ODAD2: variants seen among roughly 807,000 people sequenced by gnomAD.
ODAD2 encodes outer dynein arm docking complex subunit 2.
Under a neutral mutation model 106.8 loss-of-function variants are expected in ODAD2, and 89 were observed. The observed-to-expected ratio is 0.83, with a 90% CI of 0.70 to 0.99. ODAD2 has a LOEUF of 0.99. Ranked by LOEUF, ODAD2 falls within the 50% of genes least tolerant of loss-of-function variation. The pLI, the probability that ODAD2 is intolerant of heterozygous loss-of-function variation, is 0.00. For missense variants in ODAD2, 1,168 were observed against 1,238.5 expected, an observed-to-expected ratio of 0.94 and a Z score of 0.85; for synonymous variants, 404 against 436.2, an observed-to-expected ratio of 0.93 and a Z score of 0.92.
At chr10:27,971,815 A>G (rs1042437623) in intron 7 of ODAD2, among the ~76,000 whole-genome samples, 5 of 152,202 alleles carry the variant, frequency 3.3e-5, no homozygotes, top group African/African-American at 9.6e-5. Context: ...AAAATTCTTT[A>G]CTAAGAATAA....
intron 16 of ODAD2, among the ~76,000 whole-genome samples, chr10:27,933,690 C>A (rs922038677): frequency 6.6e-6 from 1 of 152,126 alleles, no homozygotes; most frequent in African/African-American, 2.4e-5. Context: ...ATACATGCAG[C>A]CATTTCTGGC....
At chr10:27,944,663 G>A (rs2132633465) in intron 11 of ODAD2, among the ~76,000 whole-genome samples, 153 bp downstream of exon 11, 1 of 152,240 alleles carries the variant, frequency 6.6e-6, no homozygotes, top group Non-Finnish European at 1.5e-5. Context: ...AGAAAAAAGA[G>A]AAAGCTCAGT....
chr10:27,816,749 T>TTTTG (rs975020923), intron 19 of ODAD2, among the ~76,000 whole-genome samples: 30 of 152,076 alleles, frequency 2.0e-4, no homozygotes, highest in African/African-American at 6.5e-4. Context: ...TTATGCAGTT[T>TTTTG]TTTGTTTGTT....
chr10:27,896,747 T>C (rs926671160), intron 17 of ODAD2, among the ~76,000 whole-genome samples: 1 of 152,146 alleles, frequency 6.6e-6, no homozygotes, highest in Non-Finnish European at 1.5e-5. Flanking sequence ...TCTTTCTAGA[T>C]ACGTAGATAT....
chr10:27,814,168 G>C (rs560864972), intron 19 of ODAD2, among the ~76,000 whole-genome samples: 1 of 152,026 alleles, frequency 6.6e-6, no homozygotes, highest in Non-Finnish European at 1.5e-5. Flanking sequence ...AGGGAAACAG[G>C]GACCCTCCGC....
intron 19 of ODAD2, among the ~76,000 whole-genome samples, chr10:27,838,064 C>T (rs996701484): frequency 6.6e-6 from 1 of 151,302 alleles, no homozygotes; most frequent in Non-Finnish European, 1.5e-5. Context: ...CCTGAAGAAA[C>T]TGAAAAAAAA....
At chr10:27,818,925 T>C (rs1217016116) in intron 19 of ODAD2, among the ~76,000 whole-genome samples, 1 of 152,140 alleles carries the variant, frequency 6.6e-6, no homozygotes, top group Non-Finnish European at 1.5e-5. Flanking sequence ...GGTCACAGCA[T>C]CTTGGATCTG....
chr10:27,992,658 C>T (rs1193318656), intron 2 of ODAD2, among the ~76,000 whole-genome samples: 1 of 152,120 alleles, frequency 6.6e-6, no homozygotes, highest in East Asian at 1.9e-4. Flanking sequence ...CACTGCAGTC[C>T]AGCCTGGGCA....
intron 16 of ODAD2, among the ~76,000 whole-genome samples, chr10:27,928,480 A>G (rs1424427553): frequency 6.6e-6 from 1 of 152,098 alleles, no homozygotes; most frequent in South Asian, 2.1e-4. Context: ...ATGATCCTCG[A>G]CTGACCTCAA....
intron 17 of ODAD2, among the ~76,000 whole-genome samples, chr10:27,873,687 G>C (rs1009457633): frequency 6.6e-6 from 1 of 152,166 alleles, no homozygotes; most frequent in African/African-American, 2.4e-5. Flanking sequence ...TCTTAATCCT[G>C]AGTTCTAGTT....
At chr10:27,832,709 A>G (rs1837578915) in intron 19 of ODAD2, among the ~76,000 whole-genome samples, 1 of 152,140 alleles carries the variant, frequency 6.6e-6, no homozygotes, top group African/African-American at 2.4e-5. Flanking sequence ...CTTAAACGTT[A>G]TTGCTCAACA....
At chr10:27,928,649 T>C (rs1845414412) in intron 16 of ODAD2, among the ~76,000 whole-genome samples, 1 of 152,128 alleles carries the variant, frequency 6.6e-6, no homozygotes, top group Non-Finnish European at 1.5e-5. Context: ...GCAAATTAAA[T>C]AACATGTCTT....
intron 17 of ODAD2, among the ~76,000 whole-genome samples, chr10:27,890,528 T>C (rs979717001): frequency 2.6e-5 from 4 of 152,160 alleles, no homozygotes; most frequent in African/African-American, 9.7e-5. Flanking sequence ...GTTACCATTT[T>C]GTACACTGTG....
At chr10:27,871,799 A>G (rs1029032424) in intron 17 of ODAD2, among the ~76,000 whole-genome samples, 12 of 152,192 alleles carry the variant, frequency 7.9e-5, no homozygotes, top group African/African-American at 2.7e-4. Flanking sequence ...TGATGCCTGC[A>G]GCTGTGTTCT....
chr10:27,974,122 T>C (rs1223668611), intron 7 of ODAD2, among the ~76,000 whole-genome samples: 4 of 152,340 alleles, frequency 2.6e-5, no homozygotes, highest in African/African-American at 9.6e-5. Context: ...CACTTTTTAG[T>C]GGGGTTGTTT....
intron 17 of ODAD2, among the ~76,000 whole-genome samples, chr10:27,888,927 G>A (rs1842396633): frequency 1.3e-5 from 2 of 152,094 alleles, no homozygotes; most frequent in Non-Finnish European, 2.9e-5. Context: ...ATGGATTAAA[G>A]ACCTAACCAT....
chr10:27,975,643 AT>A (rs1378213823), intron 7 of ODAD2, among the ~76,000 whole-genome samples: 2 of 152,130 alleles, frequency 1.3e-5, no homozygotes, highest in African/African-American at 4.8e-5. Flanking sequence ...TGTAGTTAAA[AT>A]TTTTCCCATA....
rs557836512 is a variant in ODAD2, at chr10:27,850,841, C to G, written c.3021+9784G>C. On this transcript the variant is annotated intron_variant, in intron 19 of 19. Transcript: ENST00000305242. ...AAAAAGGTAAGCCCTAAGATTGACC[C>G]AGACTAACTCCAGGGAGAATGTTTA... Among the ~76,000 whole-genome samples the G allele has an allele frequency of 5.9e-5, 9 of 152,242 alleles. No individual in the cohort carries two copies. The South Asian group carries it at 1.9e-3, about 32-fold the overall frequency.
At chr10:27,979,673 C>T (rs1849422959) in intron 7 of ODAD2, among the ~76,000 whole-genome samples, 1 of 151,938 alleles carries the variant, frequency 6.6e-6, no homozygotes, top group African/African-American at 2.4e-5. Context: ...AGGAGAAAAA[C>T]TTGTACACTG....
Sources: allele counts gnomAD v4.1 joint callset (sites outside exome capture counted in the v4.1 genomes callset), GRCh38; gene constraint gnomAD v4.1.1; transcripts MANE v1.5; gene names NCBI Gene and HGNC (gene_info 2026-07-23, HGNC 2026-07-21).